The following FRMD4B variants were observed in gnomAD, a reference collection of about 807,000 sequenced individuals.
The protein encoded by FRMD4B is FERM domain-containing protein 4B.
In FRMD4B, 74 loss-of-function variants were observed where a neutral mutation model predicts 141.5. The ratio of observed to expected loss-of-function variants is 0.52; its 90% CI spans 0.43 to 0.63. FRMD4B has a LOEUF of 0.63. Ranked by LOEUF, FRMD4B falls within the 30% of genes least tolerant of loss-of-function variation. The probability of loss-of-function intolerance (pLI) is 0.00; values close to 1 mark genes in which losing one functional copy is unlikely to be tolerated. For missense variants in FRMD4B, 1,366 were observed against 1,253.4 expected (o/e 1.09, Z -1.36); for synonymous variants, 506 against 467.9 (o/e 1.08, Z -1.05).
At chr3:69,477,821 A>C (rs1380249623) in intron 1 of FRMD4B, among the ~76,000 whole-genome samples, 1 of 150,204 alleles carries the variant, frequency 6.7e-6, no homozygotes, top group Non-Finnish European at 1.5e-5. Flanking sequence ...TCGGCTGTGA[A>C]TCCCTCTGGT....
chr3:69,202,328 T>C (rs903937936), intron 11 of FRMD4B, among the ~76,000 whole-genome samples: 5 of 152,176 alleles, frequency 3.3e-5, no homozygotes, highest in Admixed American at 2.6e-4. Flanking sequence ...TTGGACAATA[T>C]TGGTGTCCAC....
chr3:69,309,282 C>G (rs566125630), intron 3 of FRMD4B, among the ~76,000 whole-genome samples: 1 of 148,712 alleles, frequency 6.7e-6, no homozygotes, highest in East Asian at 2.0e-4. Flanking sequence ...AGTTGCACAT[C>G]ACCACACCTG....
chr3:69,409,049 G>A (rs987158892), intron 2 of FRMD4B, among the ~76,000 whole-genome samples: 1 of 152,174 alleles, frequency 6.6e-6, no homozygotes, highest in Non-Finnish European at 1.5e-5. Context: ...TTGTTCGTGA[G>A]GAATATATGC....
chr3:69,390,000 G>C (rs375715207), upstream of FRMD4B, among the ~76,000 whole-genome samples: 2 of 152,002 alleles, frequency 1.3e-5, no homozygotes, highest in Admixed American at 6.5e-5. Flanking sequence ...GCTCTCTCTG[G>C]AGGCTTAAGA....
chr3:69,429,988 T>G (rs1402110586), intron 2 of FRMD4B, among the ~76,000 whole-genome samples: 2 of 152,068 alleles, frequency 1.3e-5, no homozygotes, highest in Non-Finnish European at 2.9e-5. Flanking sequence ...CTCAAACTCC[T>G]GACCTCAAGT....
At chr3:69,265,503 C>T (rs1241766002) in intron 5 of FRMD4B, among the ~76,000 whole-genome samples, 1 of 126,182 alleles carries the variant, frequency 7.9e-6, no homozygotes, top group African/African-American at 3.1e-5. Context: ...GGCTGGAGTG[C>T]AGTGGCGCGA....
intron 1 of FRMD4B, among the ~76,000 whole-genome samples, chr3:69,383,954 C>A (rs530244570): frequency 6.6e-6 from 1 of 151,238 alleles, no homozygotes; most frequent in Non-Finnish European, 1.5e-5. Flanking sequence ...GGAGTGGGGA[C>A]TTATTTTTTT....
At chr3:69,313,581 G>A (rs541703860) in intron 1 of FRMD4B, 64 bp from the exon 2 acceptor site, 12 of 963,604 alleles carry the variant, frequency 1.2e-5, no homozygotes, top group African/African-American at 4.9e-5. Context: ...CTTTGGACTC[G>A]TTGTATCATT....
In FRMD4B at chr3:69,526,194, C is replaced by T. The variant is rs150054024; in HGVS notation, c.-129+16012G>A. 6.2e-4 allele frequency among the ~76,000 whole-genome samples: 94 copies of T among 152,276 alleles called. No homozygotes were observed. The East Asian group carries it at 0.018, about 28-fold the overall frequency. On this transcript the variant is annotated intron_variant, in intron 1 of 5. Coordinates refer to the FRMD4B transcript ENST00000459638. ...GAAGTAGCCCTCAGTTAACTACTCT[C>T]AGGAATTGGTGTATAAATACCTTGG...
intron 1 of FRMD4B, among the ~76,000 whole-genome samples, chr3:69,525,548 G>A (rs1465249031): frequency 6.6e-6 from 1 of 152,206 alleles, no homozygotes; most frequent in Non-Finnish European, 1.5e-5. Flanking sequence ...CAAAGGCCCA[G>A]GCTAAGCCCT....
chr3:69,181,076 T>C lies in FRMD4B; in HGVS notation c.2674A>G (p.Lys892Glu). The C allele has an allele frequency of 6.2e-7, 1 of 1,613,958 alleles. No individual in the cohort carries two copies. Among genetic ancestry groups the C allele is most frequent in the Non-Finnish European group, 8.5e-7 (1 of 1,179,890 alleles). Residue 892 changes from lysine to glutamate, a missense_variant, in exon 21 of 23, where the codon AAG becomes GAG. By Grantham distance (56) the Lys-to-Glu change is moderately conservative. Transcript: ENST00000398540. ...CGCAAGTGCTCGGCAACTAAGGCCT[T>C]GTGGATGTTTTTGGTGATGTGCTCC... ...KSEHITKNIH[K>E]ALVAEHLRGW...
At chr3:69,334,658 C>G (rs1049129903) in intron 1 of FRMD4B, among the ~76,000 whole-genome samples, 2 of 152,002 alleles carry the variant, frequency 1.3e-5, no homozygotes, top group South Asian at 4.1e-4. Flanking sequence ...CTCAATGACC[C>G]CTGGGTTTCA....
At position 69,365,947 on chromosome 3, in the gene FRMD4B, G is replaced by A. The variant is rs72940771; in HGVS notation, c.162+19881C>T. On this transcript the variant is annotated intron_variant, in intron 1 of 22. Transcript: ENST00000398540. ...TAAAAATTAGAAACAGGTCAAGCAT[G>A]GTGGCTTATGCCCGTAATCCCAGCA... 5.1e-3 allele frequency among the ~76,000 whole-genome samples: 483 copies of A among 95,390 alleles called. 35 individuals are homozygous for A. The highest frequency in any genetic ancestry group is 0.017 in the African/African-American group (260 of 15,638). 62.6% of individuals were successfully genotyped at this position (95,390 alleles called of 152,430 possible). A position where few individuals can be genotyped will look rare whatever the true frequency, so the allele number is the denominator to read the frequency against.
intron 1 of FRMD4B, among the ~76,000 whole-genome samples, chr3:69,534,306 G>A (rs1701049784): frequency 6.6e-6 from 1 of 152,174 alleles, no homozygotes; most frequent in Non-Finnish European, 1.5e-5. Flanking sequence ...AGGGAGAAAG[G>A]AATATAATCT....
chr3:69,440,012 C>G (rs1297007656), intron 1 of FRMD4B, among the ~76,000 whole-genome samples: 3 of 152,086 alleles, frequency 2.0e-5, no homozygotes, highest in East Asian at 1.9e-4. Flanking sequence ...GTTGCAAATG[C>G]CTTCTACCAG....
intron 7 of FRMD4B, among the ~76,000 whole-genome samples, chr3:69,241,928 C>G (rs1260890298): frequency 6.6e-6 from 1 of 151,938 alleles, no homozygotes; most frequent in Non-Finnish European, 1.5e-5. Flanking sequence ...AAAAGGAAAC[C>G]TCTAACAGTG....
chr3:69,478,414 T>C (rs1232722242), intron 1 of FRMD4B, among the ~76,000 whole-genome samples: 1 of 152,258 alleles, frequency 6.6e-6, no homozygotes, highest in Non-Finnish European at 1.5e-5. Context: ...GTCTTTGTTC[T>C]CATTGGTTTC....
At position 69,218,329 on chromosome 3, in the gene FRMD4B, G is replaced by A. The variant is rs1478490629; in HGVS notation, c.782C>T (p.Ala261Val). 1 of 1,488,414 alleles carries A rather than the reference G, an allele frequency of 6.7e-7. No individual in the cohort carries two copies. The allele number at this position is 1,488,414 out of a possible 1,614,324, so 92.2% of individuals were successfully genotyped here. The change falls in exon 10 of 23, where the codon GCA (alanine) becomes GTA (valine). Residue 261 changes from alanine to valine, a missense_variant. Ala to Val is a moderately conservative substitution (Grantham distance 64). Transcript: ENST00000398540. ...TCATGTAAAATTACTTACCTTTACT[G>A]CATAATAATGGACACCGTAAGTCGG... ...ALPTYGVHYY[A>V]VKDKQGLPWW...
intron 1 of FRMD4B, among the ~76,000 whole-genome samples, chr3:69,367,018 C>CA (rs2107480537): frequency 6.6e-6 from 1 of 152,274 alleles, no homozygotes; most frequent in South Asian, 2.1e-4. Context: ...CCACCCATCT[C>CA]AACCTCCCAA....
Sources: allele counts gnomAD v4.1 joint callset (sites outside exome capture counted in the v4.1 genomes callset), GRCh38; gene constraint gnomAD v4.1.1; transcripts MANE v1.5; gene names NCBI Gene and HGNC (gene_info 2026-07-23, HGNC 2026-07-21).